The following DPYD variants were observed in gnomAD, a reference collection of about 807,000 sequenced individuals.
DPYD encodes the protein dihydropyrimidine dehydrogenase.
In DPYD, 109 loss-of-function variants were observed where a neutral mutation model predicts 116.2. That is an observed-to-expected ratio of 0.94 (90% CI 0.80 to 1.10). The LOEUF (loss-of-function observed/expected upper bound fraction) is 1.10, where lower values mean the gene tolerates loss of function less well. DPYD is among the 50% of genes least tolerant of loss of function. DPYD has a pLI of 0.00. For synonymous variants in DPYD, 440 were observed against 432.0 expected, an observed-to-expected ratio of 1.02 and a Z score of -0.23; for missense variants, 1,302 against 1,254.5, an observed-to-expected ratio of 1.04 and a Z score of -0.57.
rs116493120 is a variant in DPYD at position 97,298,102 on chromosome 1, C to A, written c.2299+7157G>T. On this transcript the variant is annotated intron_variant, in intron 18 of 22. Transcript: ENST00000370192. ...GAGATTCTTATTTATTTATCAAATA[C>A]TATACCCCTCTAATTTTACCATTGC... Among the ~76,000 whole-genome samples, 1,201 of 152,226 alleles carry A rather than the reference C, an allele frequency of 7.9e-3. 6 individuals are homozygous for A. The highest frequency in any genetic ancestry group is 0.012 in the Non-Finnish European group (794 of 67,994).
chr1:97,749,616 T>C (rs1161670265), intron 3 of DPYD, among the ~76,000 whole-genome samples: 1 of 152,170 alleles, frequency 6.6e-6, no homozygotes, highest in African/African-American at 2.4e-5. Flanking sequence ...ATATCCATAA[T>C]AGAGAATAGT....
chr1:97,801,155 A>G (rs1667826462), intron 3 of DPYD, among the ~76,000 whole-genome samples: 1 of 145,120 alleles, frequency 6.9e-6, no homozygotes. Flanking sequence ...GAATAGGATT[A>G]GTGTCCTTCT....
At chr1:97,158,472 G>GACACACACACACACACACACACAC (rs58771302) in intron 20 of DPYD, among the ~76,000 whole-genome samples, 1 of 112,086 alleles carries the variant, frequency 8.9e-6, no homozygotes, top group Non-Finnish European at 1.8e-5. Flanking sequence ...TAACTCACCA[G>GACACACACACACACACACACACAC]ACACACACAC....
chr1:97,224,764 A>T (rs78345436), intron 19 of DPYD, among the ~76,000 whole-genome samples: 3,795 of 150,394 alleles, frequency 0.025, 167 homozygotes, highest in African/African-American at 0.087. Flanking sequence ...ATCATACAAC[A>T]TTTTCCTTTC....
chr1:97,858,218 A>C (rs895898512), intron 2 of DPYD, among the ~76,000 whole-genome samples: 1 of 152,160 alleles, frequency 6.6e-6, no homozygotes, highest in African/African-American at 2.4e-5. Flanking sequence ...TCTGTAAGAT[A>C]ATATTTTATA....
At chr1:97,565,674 G>A (rs1014781143) in intron 11 of DPYD, among the ~76,000 whole-genome samples, 4 of 152,060 alleles carry the variant, frequency 2.6e-5, no homozygotes, top group African/African-American at 9.7e-5. Flanking sequence ...AGCACACTGT[G>A]TTGCTATATA....
chr1:97,532,265 C>T (rs932159898), intron 12 of DPYD, among the ~76,000 whole-genome samples: 10 of 151,984 alleles, frequency 6.6e-5, no homozygotes, highest in Non-Finnish European at 1.5e-4. Flanking sequence ...TTTTAATGTA[C>T]TGTTGAATTT....
intron 18 of DPYD, among the ~76,000 whole-genome samples, chr1:97,259,511 C>T (rs72726659): frequency 0.015 from 2,293 of 152,042 alleles, 45 homozygotes; most frequent in Middle Eastern, 0.044. Flanking sequence ...TAGCTGGTAC[C>T]ACAGGCAGAA....
chr1:97,598,752 T>C (rs886169754), intron 8 of DPYD, among the ~76,000 whole-genome samples: 1 of 152,210 alleles, frequency 6.6e-6, no homozygotes, highest in Non-Finnish European at 1.5e-5. Flanking sequence ...TATAACTCAT[T>C]TTAATTCTCA....
intron 14 of DPYD, among the ~76,000 whole-genome samples, chr1:97,441,343 G>A (rs772573293): frequency 2.0e-5 from 3 of 151,810 alleles, no homozygotes; most frequent in Non-Finnish European, 2.9e-5. Flanking sequence ...ACATATATTA[G>A]GCCACTTATT....
At chr1:97,714,331 GC>G (rs1429350273) in intron 5 of DPYD, among the ~76,000 whole-genome samples, 2 of 152,006 alleles carry the variant, frequency 1.3e-5, no homozygotes, top group Non-Finnish European at 1.5e-5. Context: ...TCCTGCCTCA[GC>G]CTCTTGAGTA....
intron 13 of DPYD, among the ~76,000 whole-genome samples, chr1:97,508,708 A>G (rs1299067433): frequency 6.6e-6 from 1 of 151,910 alleles, no homozygotes; most frequent in African/African-American, 2.4e-5. Context: ...AAAGCATGAT[A>G]TAGTGGAAAT....
chr1:97,774,277 CCT>C (rs1666287360), intron 3 of DPYD, among the ~76,000 whole-genome samples: 1 of 152,130 alleles, frequency 6.6e-6, no homozygotes. Context: ...AACACTGCCA[CCT>C]CTCTCTCTTT....
intron 1 of DPYD, among the ~76,000 whole-genome samples, chr1:97,915,865 A>G (rs1011564158): frequency 6.6e-6 from 1 of 152,120 alleles, no homozygotes; most frequent in African/African-American, 2.4e-5. Context: ...ATTATATCAA[A>G]TCTCATCAGA....
chr1:97,544,193 G>A (rs1314718694), intron 12 of DPYD, among the ~76,000 whole-genome samples: 1 of 152,144 alleles, frequency 6.6e-6, no homozygotes, highest in African/African-American at 2.4e-5. Flanking sequence ...TTTCAAGAGA[G>A]GTGATAGAGG....
intron 10 of DPYD, among the ~76,000 whole-genome samples, chr1:97,582,048 G>C (rs778862222): frequency 6.6e-6 from 1 of 152,158 alleles, no homozygotes; most frequent in Non-Finnish European, 1.5e-5. Flanking sequence ...TTGGCATGGC[G>C]TATCTGTTAG....
chr1:97,330,410 G>T (rs1282282278), intron 16 of DPYD, among the ~76,000 whole-genome samples: 1 of 152,084 alleles, frequency 6.6e-6, no homozygotes, highest in Non-Finnish European at 1.5e-5. Context: ...CTAGTAGTGG[G>T]CTGCATGTTA....
intron 20 of DPYD, among the ~76,000 whole-genome samples, chr1:97,174,685 A>G (rs1451526793): frequency 6.6e-6 from 1 of 152,186 alleles, no homozygotes; most frequent in African/African-American, 2.4e-5. Context: ...TATATGATAT[A>G]TCTTATTTTG....
At chr1:97,604,541 T>C (rs984612270) in intron 8 of DPYD, among the ~76,000 whole-genome samples, 2 of 151,502 alleles carry the variant, frequency 1.3e-5, no homozygotes, top group African/African-American at 4.9e-5. Context: ...TCTAAGTCAT[T>C]ACTGTAATTT....
Sources: allele counts gnomAD v4.1 joint callset (sites outside exome capture counted in the v4.1 genomes callset), GRCh38; gene constraint gnomAD v4.1.1; transcripts MANE v1.5; gene names NCBI Gene and HGNC (gene_info 2026-07-23, HGNC 2026-07-21).